Variants in MTURN observed in about 807,000 individuals in gnomAD.
MTURN encodes maturin, neural progenitor differentiation regulator homolog, also known as maturin.
Under a neutral mutation model 14.9 loss-of-function variants are expected in MTURN, and 7 were observed. That is an observed-to-expected ratio of 0.47 (90% CI 0.27 to 0.88). MTURN has a LOEUF of 0.88. MTURN is among the 40% of genes least tolerant of loss of function. The pLI, the probability that MTURN is intolerant of heterozygous loss-of-function variation, is 0.14. For synonymous variants in MTURN, 69 were observed against 72.5 expected (o/e 0.95, Z 0.25); for missense variants, 151 against 174.1 (o/e 0.87, Z 0.75).
chr7:30,136,012 ACACT>A (rs1349723305), intron 1 of MTURN, among the ~76,000 whole-genome samples: 6 of 41,308 alleles, frequency 1.5e-4, no homozygotes, highest in East Asian at 7.9e-4. Flanking sequence ...TCACACGCGC[ACACT>A]CACGCGCACA....
intron 1 of MTURN, among the ~76,000 whole-genome samples, chr7:30,138,157 C>T (rs1796994750): frequency 6.6e-6 from 1 of 152,034 alleles, no homozygotes; most frequent in Non-Finnish European, 1.5e-5. Flanking sequence ...GCTCTGTCGC[C>T]CAGGCTGGAG....
intron 2 of MTURN, among the ~76,000 whole-genome samples, chr7:30,152,474 A>G (rs1362399395): frequency 6.6e-6 from 1 of 152,200 alleles, no homozygotes; most frequent in Non-Finnish European, 1.5e-5. Flanking sequence ...ATTGGGTCCC[A>G]CTTGAGACCT....
intron 2 of MTURN, among the ~76,000 whole-genome samples, chr7:30,155,221 G>A (rs1399266085): frequency 2.6e-5 from 4 of 152,154 alleles, no homozygotes; most frequent in Non-Finnish European, 4.4e-5. Flanking sequence ...AAGTGAGAGG[G>A]AACCAACTGG....
At chr7:30,135,379 G>T in intron 1 of MTURN, 81 bp downstream of exon 1, 1 of 1,266,512 alleles carries the variant, frequency 7.9e-7, no homozygotes, top group South Asian at 1.7e-5. Context: ...GCTCCCGCGC[G>T]GTGGGCGGCG....
At chr7:30,140,511 T>A (rs995012699) in intron 1 of MTURN, among the ~76,000 whole-genome samples, 1 of 151,952 alleles carries the variant, frequency 6.6e-6, no homozygotes, top group Non-Finnish European at 1.5e-5. Flanking sequence ...CTTATTTAAA[T>A]GAGATTGAGT....
In MTURN at chr7:30,158,712, A is replaced by G. The variant is rs982762536; in HGVS notation, c.*1164A>G. On this transcript the variant is annotated 3_prime_UTR_variant, in exon 3 of 3. Coordinates refer to ENST00000324453, the MANE Select transcript of MTURN (RefSeq NM_152793.3). The stretch of plus-strand genomic sequence containing the variant: ...CAGAAACAACTTCTGTAATAACTGG[A>G]AATACTGCTGTTATCGTTTAGCCAA... 6.6e-6 allele frequency: 1 copy of G among 152,200 alleles called. No homozygotes were observed. Among genetic ancestry groups the G allele is most frequent in the Non-Finnish European group, 1.5e-5 (1 of 68,040 alleles). 9.4% of individuals were successfully genotyped at this position (152,200 alleles called of 1,614,324 possible).
intron 1 of MTURN, among the ~76,000 whole-genome samples, chr7:30,135,987 C>G (rs1583500106): frequency 6.6e-6 from 1 of 151,340 alleles, no homozygotes; most frequent in East Asian, 2.0e-4. Context: ...CACACACATG[C>G]TCACACCCTC....
At chr7:30,145,882 A>T (rs2128031683) in intron 1 of MTURN, 1 of 1,551,686 alleles carries the variant, frequency 6.4e-7, no homozygotes, top group African/African-American at 1.4e-5. Flanking sequence ...GAACAGTGGA[A>T]ATCATTGGTG....
chr7:30,137,482 T>C, intron 1 of MTURN: 2 of 409,808 alleles, frequency 4.9e-6, no homozygotes, highest in Non-Finnish European at 1.0e-5. Context: ...CCACCCAGAT[T>C]TTAAATATTT....
chr7:30,135,854 A>G (rs1004841368), intron 1 of MTURN, among the ~76,000 whole-genome samples: 51 of 152,202 alleles, frequency 3.4e-4, no homozygotes, highest in African/African-American at 1.2e-3. Context: ...TAGTCCTTGC[A>G]CTGCCTGTTT....
chr7:30,147,955 G>A (rs919063804), intron 2 of MTURN, among the ~76,000 whole-genome samples: 1 of 152,190 alleles, frequency 6.6e-6, no homozygotes, highest in Non-Finnish European at 1.5e-5. Context: ...TACCCACTGG[G>A]TACATGGCAC....
At chr7:30,144,964 G>A (rs2128031465) in intron 1 of MTURN, among the ~76,000 whole-genome samples, 1 of 98,610 alleles carries the variant, frequency 1.0e-5, no homozygotes, top group Middle Eastern at 0.013. Flanking sequence ...CCAGTGTTTA[G>A]CCATCCTGGA....
At chr7:30,152,426 A>G (rs1197548352) in intron 2 of MTURN, among the ~76,000 whole-genome samples, 1 of 152,254 alleles carries the variant, frequency 6.6e-6, no homozygotes, top group Non-Finnish European at 1.5e-5. Context: ...TTGGACTAAC[A>G]GTATTCCCAT....
intron 1 of MTURN, chr7:30,137,377 A>G (rs1247871716): frequency 3.1e-6 from 1 of 324,018 alleles, no homozygotes; most frequent in African/African-American, 2.2e-5. Flanking sequence ...GGCCAGGAAG[A>G]CAAAAGGCTG....
In MTURN at chr7:30,135,240, C is replaced by T; in HGVS notation, c.104C>T (p.Ala35Val). Residue 35 changes from alanine to valine, a missense_variant, in exon 1 of 3, where the codon GCC becomes GTC. Coordinates refer to ENST00000324453, the MANE Select transcript of MTURN (RefSeq NM_152793.3). ...ACCGAACGCAGGATGGATTTCTACG[C>T]CGACCCCGGCGTCTCCTTCTATGTG... ...EETERRMDFY[A>V]DPGVSFYVLC... 1 of 1,518,462 alleles carries T rather than the reference C, an allele frequency of 6.6e-7. No homozygotes were observed. Among genetic ancestry groups the T allele is most frequent in the East Asian group, 2.8e-5 (1 of 35,552 alleles). The allele number at this position is 1,518,462 out of a possible 1,614,324, so 94.1% of individuals were successfully genotyped here. A position where few individuals can be genotyped will look rare whatever the true frequency, so the allele number is the denominator to read the frequency against.
At chr7:30,154,788 G>T (rs1208280016) in intron 2 of MTURN, among the ~76,000 whole-genome samples, 1 of 152,178 alleles carries the variant, frequency 6.6e-6, no homozygotes, top group Non-Finnish European at 1.5e-5. Flanking sequence ...CCCCTTTCCA[G>T]AAGGGCAGTG....
chr7:30,155,249 C>G (rs1333217056), intron 2 of MTURN, among the ~76,000 whole-genome samples: 1 of 152,202 alleles, frequency 6.6e-6, no homozygotes, highest in Non-Finnish European at 1.5e-5. Flanking sequence ...TCTTTAGTGA[C>G]ATCCCTTCAA....
rs929329198 is a variant in MTURN, at chr7:30,159,363, A to C, written c.*1815A>C. 1 of 152,210 alleles carries C rather than the reference A, an allele frequency of 6.6e-6. No individual in the cohort carries two copies. Among genetic ancestry groups the C allele is most frequent in the Non-Finnish European group, 1.5e-5 (1 of 68,038 alleles). The allele number at this position is 152,210 out of a possible 1,614,324, so 9.4% of individuals were successfully genotyped here. On this transcript the variant is annotated 3_prime_UTR_variant, in exon 3 of 3. Transcript: ENST00000324453. The stretch of plus-strand genomic sequence containing the variant: ...GTGTCGCCCAGGTTTCGTAACCTCC[A>C]CTTTAATGCAGTAAGCCGCAAGAAT...
rs1378652315 is a variant in MTURN, at chr7:30,157,691, T to A, written c.*143T>A. Reference sequence around the variant, plus strand: ...ATCCAAATTAAAATGAAATACCTTTTTAACGACCACAAAATATCTGTGATG... The same window carrying A: ...ATCCAAATTAAAATGAAATACCTTTATAACGACCACAAAATATCTGTGATG... On this transcript the variant is annotated 3_prime_UTR_variant, in exon 3 of 3. Transcript: ENST00000324453. 2.1e-6 allele frequency: 1 copy of A among 483,986 alleles called. No homozygotes were observed. Among genetic ancestry groups the A allele is most frequent in the East Asian group, 3.8e-5 (1 of 26,466 alleles). The allele number at this position is 483,986 out of a possible 1,614,324, so 30.0% of individuals were successfully genotyped here. A position where few individuals can be genotyped will look rare whatever the true frequency, so the allele number is the denominator to read the frequency against.
Sources: gnomAD v4.1 joint callset for allele counts (sites outside exome capture counted in the v4.1 genomes callset) on GRCh38, gnomAD v4.1.1 for gene constraint, MANE v1.5 for transcripts, NCBI Gene and HGNC (gene_info 2026-07-23, HGNC 2026-07-21) for gene names.